Variants in ZNF248 observed in about 807,000 individuals in gnomAD.
ZNF248 encodes KRAB protein domain.
A neutral mutation model predicts 44.3 loss-of-function variants in ZNF248; 20 were observed. The observed-to-expected ratio is 0.45, with a 90% confidence interval of 0.32 to 0.66. The LOEUF (loss-of-function observed/expected upper bound fraction) is 0.66, where lower values mean the gene tolerates loss of function less well. Ranked by LOEUF, ZNF248 falls within the 30% of genes least tolerant of loss-of-function variation. The pLI is 0.04. For synonymous variants in ZNF248, 224 were observed against 229.0 expected (o/e 0.98, Z 0.20); for missense variants, 654 against 677.0 (o/e 0.97, Z 0.38).
the ZNF248 span, among the ~76,000 whole-genome samples, chr10:37,769,042 G>A: frequency 0.11 from 16,557 of 152,044 alleles, 1,160 homozygotes; most frequent in Admixed American, 0.19. Context: ...AAAATTCCTC[G>A]ACACATACAC....
the ZNF248 span, among the ~76,000 whole-genome samples, chr10:37,770,439 A>G: frequency 1.3e-5 from 2 of 152,202 alleles, no homozygotes; most frequent in African/African-American, 4.8e-5. Context: ...GATCAATAGA[A>G]CAGAACAGAG....
At chr10:37,809,845 G>C (rs935636839) in intron 6 of ZNF248, among the ~76,000 whole-genome samples, 1 of 151,044 alleles carries the variant, frequency 6.6e-6, no homozygotes, top group Non-Finnish European at 1.5e-5. Flanking sequence ...AAATTTTCCA[G>C]TTTTCCTTTT....
chr10:37,829,456 T>C lies in ZNF248; in HGVS notation c.*2159A>G, dbSNP rs752359499. The C allele has an allele frequency of 3.0e-6, 3 of 985,288 alleles. No individual in the cohort carries two copies. Among genetic ancestry groups the C allele is most frequent in the African/African-American group, 1.7e-5 (1 of 57,226 alleles). The allele number at this position is 985,288 out of a possible 1,614,324, so 61.0% of individuals were successfully genotyped here. A position where few individuals can be genotyped will look rare whatever the true frequency, so the allele number is the denominator to read the frequency against. ...ATATTAACTTGTGAAAAGAAATAAT[T>C]CTTCCCCCTAATTACCATATAGAAC... is the stretch of plus-strand genomic sequence containing the variant. On this transcript the variant is annotated 3_prime_UTR_variant, in exon 6 of 6. Coordinates refer to ENST00000395867, the MANE Select transcript of ZNF248 (RefSeq NM_021045.3).
At chr10:37,771,270 G>A in the ZNF248 span, among the ~76,000 whole-genome samples, 3 of 152,160 alleles carry the variant, frequency 2.0e-5, no homozygotes, top group African/African-American at 4.8e-5. Context: ...TCCCATTACT[G>A]GGTGTATACC....
At chr10:37,803,184 T>G (rs1227958807) in intron 6 of ZNF248, 1 of 152,208 alleles carries the variant, frequency 6.6e-6, no homozygotes, top group Non-Finnish European at 1.5e-5. Flanking sequence ...AGTCACATTT[T>G]CTAGGCCCAT....
At chr10:37,856,644 A>C in intron 1 of ZNF248, 112 bp from the exon 2 acceptor site, 2 of 1,034,470 alleles carry the variant, frequency 1.9e-6, no homozygotes, top group South Asian at 4.5e-5. Flanking sequence ...AAAAAAAAAA[A>C]CTGAGGCCAT....
At chr10:37,827,165 T>C (rs2054510829), downstream of ZNF248, among the ~76,000 whole-genome samples, 1 of 152,094 alleles carries the variant, frequency 6.6e-6, no homozygotes, top group Non-Finnish European at 1.5e-5. Context: ...TCGTTTTCTG[T>C]TTTAAGGGAT....
At chr10:37,784,763 T>C (rs1195845537) in intron 6 of ZNF248, among the ~76,000 whole-genome samples, 2 of 152,178 alleles carry the variant, frequency 1.3e-5, no homozygotes, top group Non-Finnish European at 2.9e-5. Flanking sequence ...ACTACATGGA[T>C]GGCACATCAA....
intron 6 of ZNF248, among the ~76,000 whole-genome samples, chr10:37,817,985 G>A (rs1318595733): frequency 1.3e-5 from 2 of 151,852 alleles, no homozygotes; most frequent in South Asian, 2.1e-4. Context: ...GCGTGATCTC[G>A]GCTCACTGCA....
chr10:37,761,978 G>C, the ZNF248 span, among the ~76,000 whole-genome samples: 1 of 152,192 alleles, frequency 6.6e-6, no homozygotes, highest in African/African-American at 2.4e-5. Flanking sequence ...AATCACACAT[G>C]CAGACATAAG....
At chr10:37,764,969 T>TC in the ZNF248 span, among the ~76,000 whole-genome samples, 2 of 152,090 alleles carry the variant, frequency 1.3e-5, no homozygotes, top group Admixed American at 1.3e-4. Flanking sequence ...GCCTTTTTTT[T>TC]TTTCTTTTTT....
At chr10:37,784,388 C>T (rs746065948) in intron 6 of ZNF248, among the ~76,000 whole-genome samples, 2 of 152,182 alleles carry the variant, frequency 1.3e-5, no homozygotes, top group East Asian at 1.9e-4. Context: ...AGAGCCTTCA[C>T]GCTGTCTCCT....
intron 3 of ZNF248, among the ~76,000 whole-genome samples, chr10:37,839,982 G>A (rs1379787398): frequency 1.3e-5 from 2 of 152,168 alleles, no homozygotes; most frequent in Non-Finnish European, 2.9e-5. Flanking sequence ...AAAAACACAT[G>A]TTCTCAGACT....
intron 6 of ZNF248, among the ~76,000 whole-genome samples, chr10:37,805,865 G>A (rs531449444): frequency 1.3e-5 from 2 of 152,112 alleles, no homozygotes; most frequent in Non-Finnish European, 2.9e-5. Flanking sequence ...GCATATGTGT[G>A]TATACATACA....
intron 6 of ZNF248, among the ~76,000 whole-genome samples, chr10:37,807,511 G>A (rs1452695957): frequency 6.6e-6 from 1 of 152,100 alleles, no homozygotes; most frequent in African/African-American, 2.4e-5. Flanking sequence ...ATTGCTTTGG[G>A]TAGTGCTATA....
At chr10:37,773,818 T>C (rs1241647313), downstream of ZNF248, among the ~76,000 whole-genome samples, 1 of 152,098 alleles carries the variant, frequency 6.6e-6, no homozygotes, top group Non-Finnish European at 1.5e-5. Flanking sequence ...AGGCCCTATC[T>C]CCAATACAGT....
chr10:37,818,915 T>G, intron 6 of ZNF248: 1 of 1,091,996 alleles, frequency 9.2e-7, no homozygotes, highest in Non-Finnish European at 1.4e-6. Context: ...TGATAGAAGA[T>G]CACACCCACC....
At chr10:37,781,262 T>C (rs959994327) in intron 6 of ZNF248, among the ~76,000 whole-genome samples, 7 of 152,152 alleles carry the variant, frequency 4.6e-5, no homozygotes, top group African/African-American at 1.7e-4. Flanking sequence ...AGGGTCCTTT[T>C]CCATGGGAGC....
chr10:37,787,007 C>T (rs1176180546), intron 6 of ZNF248, among the ~76,000 whole-genome samples: 1 of 152,130 alleles, frequency 6.6e-6, no homozygotes, highest in South Asian at 2.1e-4. Context: ...AGGCCAGGCA[C>T]TTTGGCTCAT....
Sources: gnomAD v4.1 joint callset for allele counts (sites outside exome capture counted in the v4.1 genomes callset) on GRCh38, gnomAD v4.1.1 for gene constraint, MANE v1.5 for transcripts, NCBI Gene and HGNC (gene_info 2026-07-23, HGNC 2026-07-21) for gene names.